KIAA1217: variants seen among roughly 807,000 people sequenced by gnomAD.
KIAA1217 encodes KIAA1217.
KIAA1217 carries 88 observed loss-of-function variants against 163.9 expected under a neutral mutation model. The ratio of observed to expected loss-of-function variants is 0.54; its 90% CI spans 0.45 to 0.64. The LOEUF (loss-of-function observed/expected upper bound fraction) is 0.64, where lower values mean the gene tolerates loss of function less well. KIAA1217 is among the 30% of genes least tolerant of loss of function. KIAA1217 has a pLI of 0.00. For missense variants in KIAA1217, 2,372 were observed against 2,475.0 expected (o/e 0.96, Z 0.88); for synonymous variants, 903 against 923.1 (o/e 0.98, Z 0.39).
chr10:23,790,430 C>CATATACAT (rs1464940101), intron 1 of KIAA1217, among the ~76,000 whole-genome samples: 1 of 73,732 alleles, frequency 1.4e-5, no homozygotes, highest in African/African-American at 5.8e-5. Flanking sequence ...TACATATATA[C>CATATACAT]ATATACATAT....
intron 2 of KIAA1217, among the ~76,000 whole-genome samples, chr10:24,114,085 A>G (rs943938424): frequency 2.0e-5 from 3 of 152,140 alleles, no homozygotes; most frequent in Non-Finnish European, 2.9e-5. Flanking sequence ...TGCATCCTGT[A>G]CTATAACTCT....
At chr10:24,158,105 A>C (rs1192898669) in intron 2 of KIAA1217, 4 of 754,928 alleles carry the variant, frequency 5.3e-6, no homozygotes, top group Non-Finnish European at 1.0e-5. Flanking sequence ...ACAAGTTAGA[A>C]GTATATATGA....
intron 2 of KIAA1217, among the ~76,000 whole-genome samples, chr10:24,055,765 T>A (rs1410975358): frequency 6.6e-6 from 1 of 152,096 alleles, no homozygotes; most frequent in African/African-American, 2.4e-5. Context: ...AAGAAGCATC[T>A]TCAATATTTA....
In KIAA1217 at chr10:24,412,228, T is replaced by C. The variant is rs1364507437; in HGVS notation, c.554-20767T>C. Among the ~76,000 whole-genome samples, 18 of 152,298 alleles carry C rather than the reference T, an allele frequency of 1.2e-4. 1 individual carries two copies. In the South Asian group the frequency reaches 3.3e-3, roughly 28 times the overall value. On this transcript the variant is annotated intron_variant, in intron 3 of 20. Coordinates refer to ENST00000376454, the MANE Select transcript of KIAA1217 (RefSeq NM_019590.5). ...GAATCTTCTAAAAATATTTCTATTA[T>C]TACTGGTGGCATTCGAGCCATGTCT...
intron 1 of KIAA1217, among the ~76,000 whole-genome samples, chr10:23,730,767 T>C (rs778419441): frequency 2.4e-4 from 36 of 148,074 alleles, no homozygotes; most frequent in Non-Finnish European, 4.6e-4. Flanking sequence ...TAAATGATAA[T>C]GTGTTTTAAT....
chr10:23,731,201 G>C (rs11013673), intron 1 of KIAA1217, among the ~76,000 whole-genome samples: 3,325 of 152,176 alleles, frequency 0.022, 75 homozygotes, highest in Admixed American at 0.073. Context: ...TTTGAGGGAG[G>C]GGAAGGTGGA....
At chr10:24,358,704 C>A (rs753291220) in intron 2 of KIAA1217, among the ~76,000 whole-genome samples, 18 of 152,206 alleles carry the variant, frequency 1.2e-4, no homozygotes, top group Admixed American at 1.2e-3. Flanking sequence ...ATAGTGAAAA[C>A]TGGCTGAATA....
At chr10:23,726,479 G>A (rs1405770361) in intron 1 of KIAA1217, among the ~76,000 whole-genome samples, 2 of 152,076 alleles carry the variant, frequency 1.3e-5, no homozygotes, top group Non-Finnish European at 2.9e-5. Flanking sequence ...ATACCATTCA[G>A]GACATAGGCA....
rs746777611 is a variant in KIAA1217 at position 24,219,606 on chromosome 10, C to A, written c.71-20C>A. 2 of 1,551,438 alleles carry A rather than the reference C, an allele frequency of 1.3e-6. No individual in the cohort carries two copies. Among genetic ancestry groups the A allele is most frequent in the South Asian group, 1.2e-5 (1 of 80,040 alleles). On this transcript the variant is annotated intron_variant, in intron 1 of 20. Coordinates refer to ENST00000376454, the MANE Select transcript of KIAA1217 (RefSeq NM_019590.5). ...TAGTGTGAAATCATTAATTGTGAACCGAATTTTTTTGTCTTTCAGAACAAG... is the reference window on the plus strand; with the variant it reads ...TAGTGTGAAATCATTAATTGTGAACAGAATTTTTTTGTCTTTCAGAACAAG...
chr10:24,438,532 C>T lies in KIAA1217; in HGVS notation c.846+53C>T, dbSNP rs1591945914. 3 of 1,231,288 alleles carry T rather than the reference C, an allele frequency of 2.4e-6. No homozygotes were observed. In the East Asian group the frequency reaches 7.0e-5, roughly 29 times the overall value. 76.3% of individuals were successfully genotyped at this position (1,231,288 alleles called of 1,614,324 possible). ...ATCTTCAGTGGGTCAAAGCGTCCCT[C>T]CTCTTGCTTGTACTCCTGATGTAAT... On this transcript the variant is annotated intron_variant, in intron 5 of 20. Transcript: ENST00000376454.
At chr10:24,312,740 A>G (rs948943841) in intron 2 of KIAA1217, among the ~76,000 whole-genome samples, 1 of 152,050 alleles carries the variant, frequency 6.6e-6, no homozygotes, top group Admixed American at 6.6e-5. Flanking sequence ...ATATAGTGGG[A>G]CCCCATCTCT....
At chr10:24,140,637 G>A (rs181987261) in intron 2 of KIAA1217, among the ~76,000 whole-genome samples, 5 of 152,234 alleles carry the variant, frequency 3.3e-5, no homozygotes, top group Admixed American at 2.6e-4. Flanking sequence ...ACTCAGAATG[G>A]CATGCACTTT....
chr10:24,045,238 G>A (rs1848916467), intron 2 of KIAA1217, among the ~76,000 whole-genome samples: 1 of 151,986 alleles, frequency 6.6e-6, no homozygotes, highest in South Asian at 2.1e-4. Flanking sequence ...TCCTTTGTAG[G>A]TGATTTTTTT....
chr10:24,376,611 A>G (rs144925337), intron 2 of KIAA1217, among the ~76,000 whole-genome samples: 74 of 152,246 alleles, frequency 4.9e-4, no homozygotes, highest in African/African-American at 1.7e-3. Context: ...AAATTAAAAC[A>G]ATTAGCTGGG....
chr10:23,712,773 C>A (rs1564359197), intron 1 of KIAA1217, among the ~76,000 whole-genome samples: 1 of 152,078 alleles, frequency 6.6e-6, no homozygotes, highest in Non-Finnish European at 1.5e-5. Flanking sequence ...TCACTGTTAT[C>A]TAATTACTAA....
At chr10:23,893,983 T>A (rs1267679288) in intron 1 of KIAA1217, among the ~76,000 whole-genome samples, 3 of 151,194 alleles carry the variant, frequency 2.0e-5, no homozygotes, top group African/African-American at 7.3e-5. Flanking sequence ...ATTGATGGGA[T>A]GTATCTCAAA....
intron 1 of KIAA1217, among the ~76,000 whole-genome samples, chr10:23,933,034 G>A (rs1029596310): frequency 1.3e-5 from 2 of 152,200 alleles, no homozygotes; most frequent in East Asian, 3.9e-4. Context: ...GTTTATAATA[G>A]CACAAAAGCT....
chr10:24,443,880 G>A (rs1326953309), intron 5 of KIAA1217, among the ~76,000 whole-genome samples: 1 of 152,126 alleles, frequency 6.6e-6, no homozygotes, highest in Non-Finnish European at 1.5e-5. Flanking sequence ...AAACAAAAAG[G>A]TGGAAGTAGA....
At chr10:24,279,571 C>T (rs2077683781) in intron 2 of KIAA1217, among the ~76,000 whole-genome samples, 1 of 152,028 alleles carries the variant, frequency 6.6e-6, no homozygotes, top group East Asian at 1.9e-4. Flanking sequence ...TTATTATAAA[C>T]CAAAGGGTTA....
Sources: gnomAD v4.1 joint callset for allele counts (sites outside exome capture counted in the v4.1 genomes callset) on GRCh38, gnomAD v4.1.1 for gene constraint, MANE v1.5 for transcripts, NCBI Gene and HGNC (gene_info 2026-07-23, HGNC 2026-07-21) for gene names.